The following CACNB2 variants were observed in gnomAD, a reference collection of about 807,000 sequenced individuals.
CACNB2 encodes calcium voltage-gated channel auxiliary subunit beta 2.
Under a neutral mutation model 73.3 loss-of-function variants are expected in CACNB2, and 42 were observed. The ratio of observed to expected loss-of-function variants is 0.57; its 90% confidence interval spans 0.45 to 0.74. The LOEUF is 0.74. Among genes scored for constraint, CACNB2 ranks in the 30% least tolerant of loss-of-function variants. The probability of loss-of-function intolerance (pLI) is 0.00; values close to 1 mark genes in which losing one functional copy is unlikely to be tolerated. For synonymous variants in CACNB2, 348 were observed against 310.3 expected, an observed-to-expected ratio of 1.12 and a Z score of -1.28; for missense variants, 940 against 853.0, an observed-to-expected ratio of 1.10 and a Z score of -1.27.
chr10:18,482,195 T>C (rs968934611), intron 3 of CACNB2, among the ~76,000 whole-genome samples: 2 of 152,226 alleles, frequency 1.3e-5, no homozygotes, highest in African/African-American at 4.8e-5. Flanking sequence ...TTATCTCTTA[T>C]TGGTTTTTAC....
At chr10:18,336,175 T>C (rs1007785314) in intron 2 of CACNB2, among the ~76,000 whole-genome samples, 2 of 152,222 alleles carry the variant, frequency 1.3e-5, no homozygotes, top group Non-Finnish European at 2.9e-5. Flanking sequence ...ATTTTGTTTT[T>C]AATTCATTAA....
At chr10:18,479,166 G>C (rs918731675) in intron 3 of CACNB2, among the ~76,000 whole-genome samples, 4 of 151,992 alleles carry the variant, frequency 2.6e-5, no homozygotes, top group African/African-American at 9.7e-5. Context: ...ACACATATCT[G>C]TGTGTACATA....
In CACNB2 at chr10:18,540,497, G is replaced by GTAAA. The variant is rs2054013286; in HGVS notation, c.*776_*779dup. ...TTCTAGTAGAAAGTGTGTACATACT[G>GTAAA]TAAATATGTGTGATTGCTTGACTTG... On this transcript the variant is annotated 3_prime_UTR_variant, in exon 14 of 14. Coordinates refer to ENST00000324631, the MANE Select transcript of CACNB2 (RefSeq NM_201596.3). The GTAAA allele has an allele frequency of 6.6e-6, 1 of 152,522 alleles. No individual in the cohort carries two copies. The highest frequency in any genetic ancestry group is 1.5e-5 in the Non-Finnish European group (1 of 68,018). The allele number at this position is 152,522 out of a possible 1,614,324, so 9.4% of individuals were successfully genotyped here.
At chr10:18,401,790 C>G (rs2044010617) in intron 2 of CACNB2, 134 bp from the exon 3 acceptor site, 1 of 883,036 alleles carries the variant, frequency 1.1e-6, no homozygotes, top group Admixed American at 1.9e-5. Context: ...TAGGTTGCTG[C>G]AAAATGAATT....
At chr10:18,141,115 G>C (rs1419295066) in intron 1 of CACNB2, 2 of 1,549,436 alleles carry the variant, frequency 1.3e-6, no homozygotes, top group African/African-American at 1.4e-5. Flanking sequence ...AGTCCTCCCA[G>C]ACTTCTCCCG....
At chr10:18,432,119 G>C (rs1296427204) in intron 3 of CACNB2, among the ~76,000 whole-genome samples, 1 of 152,142 alleles carries the variant, frequency 6.6e-6, no homozygotes, top group East Asian at 1.9e-4. Context: ...AATAGAGATG[G>C]TGCTTCCAAG....
intron 2 of CACNB2, among the ~76,000 whole-genome samples, chr10:18,376,451 G>A (rs1589178462): frequency 2.6e-5 from 4 of 152,254 alleles, no homozygotes; most frequent in Admixed American, 2.6e-4. Context: ...AGCACAACAG[G>A]ATGACTATAG....
chr10:18,526,037 C>G (rs1368402200), intron 9 of CACNB2, among the ~76,000 whole-genome samples: 1 of 152,186 alleles, frequency 6.6e-6, no homozygotes, highest in African/African-American at 2.4e-5. Context: ...GCCTGACAAA[C>G]TGTCCTGTGC....
chr10:18,389,414 C>T (rs1401090308), intron 2 of CACNB2, among the ~76,000 whole-genome samples: 5 of 152,222 alleles, frequency 3.3e-5, no homozygotes, highest in Non-Finnish European at 7.3e-5. Flanking sequence ...GCTGGGATTA[C>T]AGGCATGAGT....
chr10:18,522,639 G>C (rs1234364025), intron 9 of CACNB2, among the ~76,000 whole-genome samples: 1 of 152,038 alleles, frequency 6.6e-6, no homozygotes, highest in Admixed American at 6.6e-5. Context: ...CAGCACTTTG[G>C]GAGGCCGAGG....
chr10:18,405,690 G>A (rs1322435461), intron 3 of CACNB2, among the ~76,000 whole-genome samples: 1 of 152,170 alleles, frequency 6.6e-6, no homozygotes, highest in Non-Finnish European at 1.5e-5. Flanking sequence ...AGGCACAATG[G>A]CTCATGCCTG....
At chr10:18,242,327 A>G (rs1303112048) in intron 2 of CACNB2, among the ~76,000 whole-genome samples, 1 of 152,158 alleles carries the variant, frequency 6.6e-6, no homozygotes. Flanking sequence ...TTGTGTCAAA[A>G]CCAATTAGAG....
chr10:18,387,936 T>C (rs1362185402), intron 2 of CACNB2, among the ~76,000 whole-genome samples: 2 of 152,080 alleles, frequency 1.3e-5, no homozygotes, highest in African/African-American at 4.8e-5. Flanking sequence ...TTAAAATTTT[T>C]TGTACAGATG....
chr10:18,512,965 C>A (rs2050908047), intron 6 of CACNB2: 2 of 236,250 alleles, frequency 8.5e-6, no homozygotes, highest in Non-Finnish European at 1.7e-5. Flanking sequence ...TTGACCGACG[C>A]CGGCTGCAGG....
chr10:18,213,318 C>T lies in CACNB2; in HGVS notation c.213+62343C>T, dbSNP rs529904648. Among the ~76,000 whole-genome samples, 5 of 152,252 alleles carry T rather than the reference C, an allele frequency of 3.3e-5. No individual in the cohort carries two copies. In the East Asian group the frequency reaches 5.8e-4, roughly 18 times the overall value. On this transcript the variant is annotated intron_variant, in intron 2 of 13. Coordinates refer to ENST00000324631, the MANE Select transcript of CACNB2 (RefSeq NM_201596.3). ...ACGTGTTAAGCTCAGGACGTGGAACCGGTGATTTCTCATGCCTTTGATTTT... is the reference window on the plus strand; with the variant it reads ...ACGTGTTAAGCTCAGGACGTGGAACTGGTGATTTCTCATGCCTTTGATTTT...
chr10:18,359,591 A>G (rs1245056320), intron 2 of CACNB2, among the ~76,000 whole-genome samples: 1 of 137,254 alleles, frequency 7.3e-6, no homozygotes, highest in Non-Finnish European at 1.6e-5. Flanking sequence ...TATAAGTAAC[A>G]TTCTGTTTTG....
intron 2 of CACNB2, among the ~76,000 whole-genome samples, chr10:18,326,559 C>T (rs1199219189): frequency 6.6e-6 from 1 of 152,184 alleles, no homozygotes; most frequent in African/African-American, 2.4e-5. Flanking sequence ...AGATTAAATA[C>T]TGCAAATAAA....
chr10:18,372,168 A>T (rs2042615318), intron 2 of CACNB2, among the ~76,000 whole-genome samples: 1 of 152,044 alleles, frequency 6.6e-6, no homozygotes, highest in Non-Finnish European at 1.5e-5. Context: ...GTTCACTCTG[A>T]TGGTAGTTTC....
At chr10:18,256,339 A>G (rs932841864) in intron 2 of CACNB2, among the ~76,000 whole-genome samples, 2 of 152,244 alleles carry the variant, frequency 1.3e-5, no homozygotes, top group Non-Finnish European at 2.9e-5. Context: ...TTCTTGCTGA[A>G]GTTGAACTAT....
Sources: gnomAD v4.1 joint callset for allele counts (sites outside exome capture counted in the v4.1 genomes callset) on GRCh38, gnomAD v4.1.1 for gene constraint, MANE v1.5 for transcripts, NCBI Gene and HGNC (gene_info 2026-07-23, HGNC 2026-07-21) for gene names.